The following FASTKD1 variants were observed in gnomAD, a reference collection of about 807,000 sequenced individuals.
FASTKD1 encodes the protein FAST kinase domains 1, also known as FAST kinase domain-containing protein 1, mitochondrial.
Under a neutral mutation model 90.9 loss-of-function variants are expected in FASTKD1, and 94 were observed. The ratio of observed to expected loss-of-function variants is 1.03; its 90% CI spans 0.88 to 1.23. FASTKD1 has a LOEUF of 1.23. Ranked by LOEUF, FASTKD1 falls within the 50% of genes most tolerant of loss-of-function variation. The pLI, the probability that FASTKD1 is intolerant of heterozygous loss-of-function variation, is 0.00. For missense variants in FASTKD1, 945 were observed against 993.5 expected (o/e 0.95, Z 0.66); for synonymous variants, 319 against 345.8 (o/e 0.92, Z 0.86).
chr2:169,551,711 C>T (rs1685498106), intron 7 of FASTKD1, among the ~76,000 whole-genome samples: 2 of 152,100 alleles, frequency 1.3e-5, no homozygotes, highest in South Asian at 2.1e-4. Context: ...GCAGGAGGGT[C>T]ACTTGAGGTC....
chr2:169,546,111 T>C, intron 8 of FASTKD1, 107 bp downstream of exon 8: 1 of 1,241,602 alleles, frequency 8.1e-7, no homozygotes, highest in South Asian at 1.6e-5. Flanking sequence ...TTTATTTAAT[T>C]TTTAAACCTC....
rs140381575 is a variant in FASTKD1, at chr2:169,568,170, T to G, written c.446+1014A>C. Among the ~76,000 whole-genome samples, 21 of 152,288 alleles carry G rather than the reference T, an allele frequency of 1.4e-4. 1 individual carries two copies. The East Asian group carries it at 4.1e-3, about 29-fold the overall frequency. On this transcript the variant is annotated intron_variant, in intron 3 of 14. Coordinates refer to ENST00000453153, the MANE Select transcript of FASTKD1 (RefSeq NM_024622.6). Reference sequence around the variant, plus strand: ...AAAAGCTTCTAAGTCACCTATAAGCTCTGGTCATTGCCTCTCCTTAAAAAT... The same window carrying G: ...AAAAGCTTCTAAGTCACCTATAAGCGCTGGTCATTGCCTCTCCTTAAAAAT...
chr2:169,544,799 A>T lies in FASTKD1; in HGVS notation c.1738T>A (p.Phe580Ile). The T allele has an allele frequency of 6.2e-7, 1 of 1,612,362 alleles. No individual in the cohort carries two copies. Among genetic ancestry groups the T allele is most frequent in the Non-Finnish European group, 8.5e-7 (1 of 1,178,572 alleles). The change falls in exon 9 of 15, where the codon TTC (phenylalanine) becomes ATC (isoleucine). Residue 580 changes from phenylalanine to isoleucine, a missense_variant. By Grantham distance (21) the Phe-to-Ile change is conservative (BLOSUM62 0). Coordinates refer to ENST00000453153, the MANE Select transcript of FASTKD1 (RefSeq NM_024622.6). ...PFTIPAIIRP[F>I]SVLNYDPPQR... ...GGTGGATCATAGTTCAATACGCTGA[A>T]TGGACGAATAATAGCAGGGATTGTA...
intron 13 of FASTKD1, 42 bp from the exon 14 acceptor site, chr2:169,530,743 AG>A: frequency 9.5e-7 from 1 of 1,048,160 alleles, no homozygotes; most frequent in Non-Finnish European, 1.4e-6. Flanking sequence ...AATCAGAATA[AG>A]AAACTGAATA....
intron 3 of FASTKD1, among the ~76,000 whole-genome samples, chr2:169,566,037 CTAAT>C (rs1432664812): frequency 6.6e-6 from 1 of 152,040 alleles, no homozygotes; most frequent in African/African-American, 2.4e-5. Context: ...AGACTTTTTC[CTAAT>C]TAGAGTTGTT....
chr2:169,535,008 A>G (rs1684668000), intron 12 of FASTKD1, among the ~76,000 whole-genome samples: 1 of 151,844 alleles, frequency 6.6e-6, no homozygotes, highest in Admixed American at 6.6e-5. Flanking sequence ...TTATATTCAT[A>G]TTGTTCTGAA....
At chr2:169,535,286 A>T (rs1684680425) in intron 12 of FASTKD1, among the ~76,000 whole-genome samples, 4 of 151,740 alleles carry the variant, frequency 2.6e-5, no homozygotes, top group Admixed American at 2.6e-4. Context: ...GGTTCAAGAG[A>T]TTCTCCCACC....
intron 11 of FASTKD1, 94 bp from the exon 12 acceptor site, chr2:169,537,434 G>T: frequency 1.3e-6 from 1 of 770,976 alleles, no homozygotes; most frequent in South Asian, 1.7e-5. Context: ...GCCCAGGCTG[G>T]AATGCAACGG....
In FASTKD1 at chr2:169,560,481, GCTT is replaced by G. The variant is rs1174409179; in HGVS notation, c.874_876del (p.Lys292del). 1 of 1,602,268 alleles carries G rather than the reference GCTT, an allele frequency of 6.2e-7. No individual in the cohort carries two copies. ...TTACACAGAGGAATCATTTCAGTTA[GCTT>G]CTTTTTAGCCATTATAATAAATTCA... On this transcript the variant is annotated inframe_deletion, in exon 5 of 15. Transcript: ENST00000453153.
At chr2:169,572,839 T>G (rs1684292857) in intron 1 of FASTKD1, among the ~76,000 whole-genome samples, 1 of 152,144 alleles carries the variant, frequency 6.6e-6, no homozygotes, top group African/African-American at 2.4e-5. Context: ...AAGAATAATT[T>G]GTTTTAAAAA....
At chr2:169,557,997 C>T (rs954163570) in intron 5 of FASTKD1, among the ~76,000 whole-genome samples, 1 of 152,208 alleles carries the variant, frequency 6.6e-6, no homozygotes, top group Non-Finnish European at 1.5e-5. Context: ...AGTTTCTCCA[C>T]AAACTTTTCC....
At chr2:169,537,894 G>T in intron 11 of FASTKD1, 119 bp downstream of exon 11, 1 of 806,020 alleles carries the variant, frequency 1.2e-6, no homozygotes, top group Non-Finnish European at 2.0e-6. Flanking sequence ...ATATTAAACA[G>T]GTCATGGCAC....
At chr2:169,550,692 C>G (rs567982001) in intron 7 of FASTKD1, among the ~76,000 whole-genome samples, 1 of 151,908 alleles carries the variant, frequency 6.6e-6, no homozygotes, top group African/African-American at 2.4e-5. Flanking sequence ...TTGAACACAC[C>G]GGTCTTGAAT....
At chr2:169,538,494 T>A (rs1684825380) in intron 10 of FASTKD1, among the ~76,000 whole-genome samples, 1 of 151,816 alleles carries the variant, frequency 6.6e-6, no homozygotes, top group Non-Finnish European at 1.5e-5. Context: ...CTGACCAACA[T>A]GGAGAAACCC....
At chr2:169,535,371 A>G (rs1465847282) in intron 12 of FASTKD1, among the ~76,000 whole-genome samples, 1 of 152,054 alleles carries the variant, frequency 6.6e-6, no homozygotes, top group Admixed American at 6.6e-5. Context: ...ACAGGGTCTT[A>G]CTATATTGCC....
rs1684755529 is a variant in FASTKD1, at chr2:169,537,158, TGATAA to T, written c.2188+64_2188+68del. 8 of 949,182 alleles carry T rather than the reference TGATAA, an allele frequency of 8.4e-6. No individual in the cohort carries two copies. The South Asian group carries it at 8.7e-5, about 10-fold the overall frequency. The allele number at this position is 949,182 out of a possible 1,614,324, so 58.8% of individuals were successfully genotyped here. ...TCAAAAAACTTTAAAAAATTCCAAC[TGATAA>T]GATGATTCTATTCAAATTAGTTTGA... is the stretch of plus-strand genomic sequence containing the variant. On this transcript the variant is annotated intron_variant, in intron 12 of 14. Transcript: ENST00000453153.
intron 2 of FASTKD1, 48 bp from the exon 3 acceptor site, chr2:169,569,300 T>C: frequency 6.5e-7 from 1 of 1,545,232 alleles, no homozygotes; most frequent in Non-Finnish European, 8.9e-7. Flanking sequence ...TTTAAAATCA[T>C]TAAAAACATA....
intron 7 of FASTKD1, among the ~76,000 whole-genome samples, chr2:169,549,266 G>A (rs1345063513): frequency 1.3e-5 from 2 of 151,848 alleles, no homozygotes; most frequent in Admixed American, 6.6e-5. Context: ...GTGGGGTGGC[G>A]CATGTAATGC....
chr2:169,543,606 G>A (rs910131896), intron 9 of FASTKD1, among the ~76,000 whole-genome samples: 2 of 152,174 alleles, frequency 1.3e-5, no homozygotes, highest in African/African-American at 2.4e-5. Flanking sequence ...CTTATAACCT[G>A]AAGTACACAG....
Sources: gnomAD v4.1 joint callset for allele counts (sites outside exome capture counted in the v4.1 genomes callset) on GRCh38, gnomAD v4.1.1 for gene constraint, MANE v1.5 for transcripts, NCBI Gene and HGNC (gene_info 2026-07-23, HGNC 2026-07-21) for gene names.